Variants in CRPPA observed in about 807,000 individuals in gnomAD.
CRPPA encodes the protein CDP-L-ribitol pyrophosphorylase A, also known as D-ribitol-5-phosphate cytidylyltransferase.
CRPPA carries 43 observed loss-of-function variants against 52.0 expected under a neutral mutation model. That is an observed-to-expected ratio of 0.83 (90% CI 0.65 to 1.07). The LOEUF is 1.07. Among genes scored for constraint, CRPPA ranks in the 50% least tolerant of loss-of-function variants. The pLI, the probability that CRPPA is intolerant of heterozygous loss-of-function variation, is 0.00. For missense variants in CRPPA, 629 were observed against 551.7 expected (o/e 1.14, Z -1.40); for synonymous variants, 250 against 203.5 (o/e 1.23, Z -1.94).
intron 5 of CRPPA, among the ~76,000 whole-genome samples, chr7:16,296,784 A>T (rs1784683713): frequency 6.6e-6 from 1 of 152,202 alleles, no homozygotes; most frequent in Admixed American, 6.5e-5. Flanking sequence ...TTTTCTGAGC[A>T]TGTCTAGAAA....
At chr7:16,113,540 G>A (rs962761259) in intron 9 of CRPPA, among the ~76,000 whole-genome samples, 1 of 151,982 alleles carries the variant, frequency 6.6e-6, no homozygotes, top group Admixed American at 6.6e-5. Context: ...ACTAAGTAGA[G>A]ACAATCTTAA....
At chr7:16,311,243 G>C (rs143099181) in intron 3 of CRPPA, among the ~76,000 whole-genome samples, 1 of 152,074 alleles carries the variant, frequency 6.6e-6, no homozygotes, top group Non-Finnish European at 1.5e-5. Context: ...CATTCTATGA[G>C]TTTTCACAAA....
intron 9 of CRPPA, among the ~76,000 whole-genome samples, chr7:16,153,426 T>C (rs1583393735): frequency 1.3e-5 from 2 of 152,202 alleles, no homozygotes; most frequent in East Asian, 3.9e-4. Flanking sequence ...CAGTAGCCTA[T>C]GAACTCTAAA....
chr7:16,261,401 A>C (rs17459061), intron 6 of CRPPA, among the ~76,000 whole-genome samples: 24,773 of 152,014 alleles, frequency 0.16, 2,371 homozygotes, highest in Non-Finnish European at 0.23. Context: ...CCCATAGTCT[A>C]GGTCTGGTCA....
At chr7:16,238,368 A>G (rs1234717932) in intron 8 of CRPPA, among the ~76,000 whole-genome samples, 1 of 152,200 alleles carries the variant, frequency 6.6e-6, no homozygotes, top group African/African-American at 2.4e-5. Context: ...GCCAAGTGCT[A>G]ACTGGATAGT....
chr7:16,379,722 A>T (rs1787021775), intron 2 of CRPPA, among the ~76,000 whole-genome samples: 2 of 152,092 alleles, frequency 1.3e-5, no homozygotes, highest in Non-Finnish European at 2.9e-5. Context: ...TGTAAGTTGG[A>T]TTCCTAGGTA....
intron 9 of CRPPA, among the ~76,000 whole-genome samples, chr7:16,097,492 C>CATG (rs1420975564): frequency 5.3e-5 from 8 of 151,988 alleles, no homozygotes; most frequent in Admixed American, 2.0e-4. Context: ...TGAAATACAC[C>CATG]ATGTTTGGGT....
intron 2 of CRPPA, among the ~76,000 whole-genome samples, chr7:16,382,388 C>A (rs1204978937): frequency 2.0e-5 from 3 of 152,154 alleles, no homozygotes; most frequent in South Asian, 2.1e-4. Context: ...CTTCCCTTTG[C>A]GGGTAACCCA....
intron 3 of CRPPA, among the ~76,000 whole-genome samples, chr7:16,340,772 T>G (rs78509112): frequency 2.4e-4 from 37 of 152,044 alleles, no homozygotes; most frequent in Admixed American, 5.2e-4. Flanking sequence ...CCCAAAAGAG[T>G]TGAAAATTTA....
intron 9 of CRPPA, among the ~76,000 whole-genome samples, chr7:16,135,524 A>G (rs1432711906): frequency 6.6e-6 from 1 of 152,194 alleles, no homozygotes; most frequent in Non-Finnish European, 1.5e-5. Context: ...TGTTATGAAC[A>G]CTTAAAGAAG....
chr7:16,218,969 C>T (rs570564619), intron 8 of CRPPA, among the ~76,000 whole-genome samples: 1 of 152,144 alleles, frequency 6.6e-6, no homozygotes, highest in Non-Finnish European at 1.5e-5. Context: ...AACTCTCCAC[C>T]CCAAATCAAC....
intron 1 of CRPPA, among the ~76,000 whole-genome samples, chr7:16,415,708 G>T (rs184735353): frequency 1.3e-5 from 2 of 152,194 alleles, no homozygotes; most frequent in Admixed American, 1.3e-4. Flanking sequence ...GTTACCACGC[G>T]CCTAGCTCTT....
At chr7:16,241,581 T>A (rs1267282726) in intron 8 of CRPPA, among the ~76,000 whole-genome samples, 1 of 152,198 alleles carries the variant, frequency 6.6e-6, no homozygotes, top group East Asian at 1.9e-4. Context: ...CTTCCCACTT[T>A]TAACAATTAA....
chr7:16,208,865 T>G (rs1410646360), intron 9 of CRPPA: 2 of 208,952 alleles, frequency 9.6e-6, no homozygotes, highest in African/African-American at 4.7e-5. Flanking sequence ...CATTGGGCAC[T>G]TAGAAAATAA....
At chr7:16,153,356 C>T (rs1228155611) in intron 9 of CRPPA, among the ~76,000 whole-genome samples, 1 of 151,884 alleles carries the variant, frequency 6.6e-6, no homozygotes, top group Non-Finnish European at 1.5e-5. Flanking sequence ...GAGCTAATAA[C>T]TTTTTTCACA....
chr7:16,251,184 A>G (rs1210287113), intron 8 of CRPPA, among the ~76,000 whole-genome samples: 1 of 152,196 alleles, frequency 6.6e-6, no homozygotes, highest in Non-Finnish European at 1.5e-5. Flanking sequence ...TAACTATCCT[A>G]AATATATATA....
At chr7:16,383,341 G>A (rs377637330) in intron 2 of CRPPA, among the ~76,000 whole-genome samples, 3 of 152,290 alleles carry the variant, frequency 2.0e-5, no homozygotes, top group African/African-American at 4.8e-5. Flanking sequence ...CTGTCTGATC[G>A]TTCCTCTGGA....
chr7:16,405,249 G>A (rs896602010), intron 2 of CRPPA, among the ~76,000 whole-genome samples: 3 of 151,914 alleles, frequency 2.0e-5, no homozygotes, highest in African/African-American at 7.3e-5. Context: ...TACCCTTTAA[G>A]CACTTAGTAT....
intron 3 of CRPPA, among the ~76,000 whole-genome samples, chr7:16,328,149 C>A (rs1354183437): frequency 6.6e-6 from 1 of 152,162 alleles, no homozygotes; most frequent in East Asian, 1.9e-4. Flanking sequence ...GAGATAACAT[C>A]TTCTGATTTG....
Sources: gnomAD v4.1 joint callset for allele counts (sites outside exome capture counted in the v4.1 genomes callset) on GRCh38, gnomAD v4.1.1 for gene constraint, MANE v1.5 for transcripts, NCBI Gene and HGNC (gene_info 2026-07-23, HGNC 2026-07-21) for gene names.